The following GMDS variants were observed in gnomAD, a reference collection of about 807,000 sequenced individuals.
The protein encoded by GMDS is GDP-mannose 4,6 dehydratase.
A neutral mutation model predicts 49.9 loss-of-function variants in GMDS; 20 were observed. That is an observed-to-expected ratio of 0.40 (90% confidence interval 0.28 to 0.58). The LOEUF is 0.58. Ranked by LOEUF, GMDS falls within the 20% of genes least tolerant of loss-of-function variation. The probability of loss-of-function intolerance (pLI) is 0.42; values close to 1 mark genes in which losing one functional copy is unlikely to be tolerated. For missense variants in GMDS, 362 were observed against 481.4 expected (o/e 0.75, Z 2.32); for synonymous variants, 177 against 178.6 (o/e 0.99, Z 0.07).
chr6:1,873,962 C>T (rs1039082552), intron 7 of GMDS, among the ~76,000 whole-genome samples: 2 of 152,194 alleles, frequency 1.3e-5, no homozygotes, highest in Non-Finnish European at 1.5e-5. Flanking sequence ...TTTGTGTTCC[C>T]CAAAGGCCAC....
chr6:1,786,063 C>T (rs1470539808), intron 7 of GMDS, among the ~76,000 whole-genome samples: 2 of 152,244 alleles, frequency 1.3e-5, no homozygotes, highest in East Asian at 1.9e-4. Flanking sequence ...CAGCGTGCTG[C>T]TGCTTCAGCG....
intron 7 of GMDS, among the ~76,000 whole-genome samples, chr6:1,849,229 G>A (rs1757548048): frequency 6.6e-6 from 1 of 152,170 alleles, no homozygotes; most frequent in East Asian, 1.9e-4. Context: ...AGGCACACTG[G>A]AGGCCAATGC....
chr6:2,070,245 A>G (rs1424587433), intron 4 of GMDS, among the ~76,000 whole-genome samples: 2 of 138,160 alleles, frequency 1.4e-5, no homozygotes, highest in South Asian at 2.4e-4. Flanking sequence ...AAGAAGGGGA[A>G]CATCACACTC....
At chr6:1,651,015 G>A (rs1035543427) in intron 9 of GMDS, among the ~76,000 whole-genome samples, 8 of 152,248 alleles carry the variant, frequency 5.3e-5, no homozygotes, top group African/African-American at 1.9e-4. Flanking sequence ...CCCCTGAGAA[G>A]GCAGGGCCAG....
intron 1 of GMDS, among the ~76,000 whole-genome samples, chr6:2,161,051 G>C (rs1354282368): frequency 6.6e-6 from 1 of 151,696 alleles, no homozygotes; most frequent in African/African-American, 2.4e-5. Flanking sequence ...TCTCTCTGTT[G>C]CCCTAGCTGG....
intron 7 of GMDS, among the ~76,000 whole-genome samples, chr6:1,814,979 C>T (rs1770596096): frequency 1.3e-5 from 2 of 152,164 alleles, no homozygotes; most frequent in South Asian, 2.1e-4. Flanking sequence ...AAATAGGTCA[C>T]ATTTGTGGAC....
chr6:1,980,469 T>TA (rs1765160393), intron 4 of GMDS, among the ~76,000 whole-genome samples: 1 of 145,524 alleles, frequency 6.9e-6, no homozygotes, highest in Admixed American at 6.8e-5. Flanking sequence ...TACATAATGG[T>TA]AAAGGGCTCA....
intron 1 of GMDS, among the ~76,000 whole-genome samples, chr6:2,232,544 C>T (rs1209075108): frequency 2.0e-5 from 3 of 152,170 alleles, no homozygotes; most frequent in Non-Finnish European, 4.4e-5. Context: ...ATCTTACCGT[C>T]CACCATCATA....
intron 7 of GMDS, among the ~76,000 whole-genome samples, chr6:1,751,157 TAAACGTTCCTGCCTGCCGGCTCTGAA>T (rs1275274022): frequency 3.9e-5 from 6 of 152,248 alleles, no homozygotes; most frequent in Middle Eastern, 3.4e-3. Context: ...TCAGCAGACT[TAAACGTTCCTGCCTGCCGGCTCTGAA>T]GAGAGCAGCG....
intron 7 of GMDS, among the ~76,000 whole-genome samples, chr6:1,926,229 G>A (rs1761998814): frequency 6.6e-6 from 1 of 152,224 alleles, no homozygotes; most frequent in South Asian, 2.1e-4. Flanking sequence ...CTGTCCTGGA[G>A]ATAAGGAAAG....
At chr6:1,872,434 T>C (rs1389492874) in intron 7 of GMDS, among the ~76,000 whole-genome samples, 2 of 152,224 alleles carry the variant, frequency 1.3e-5, no homozygotes, top group Non-Finnish European at 2.9e-5. Context: ...AACACATTTG[T>C]TAGTAACTAG....
chr6:2,072,879 A>G (rs531632165), intron 4 of GMDS, among the ~76,000 whole-genome samples: 5 of 152,288 alleles, frequency 3.3e-5, no homozygotes, highest in Non-Finnish European at 5.9e-5. Context: ...GTAAAATCAC[A>G]AACACATTTG....
At chr6:1,993,433 C>A (rs1766076872) in intron 4 of GMDS, among the ~76,000 whole-genome samples, 1 of 152,186 alleles carries the variant, frequency 6.6e-6, no homozygotes, top group Admixed American at 6.5e-5. Context: ...TGTGATTATT[C>A]CACATGTGTA....
At chr6:2,110,033 T>C (rs1472577151) in intron 4 of GMDS, among the ~76,000 whole-genome samples, 4 of 152,200 alleles carry the variant, frequency 2.6e-5, no homozygotes, top group Non-Finnish European at 5.9e-5. Flanking sequence ...GAACAGTCCC[T>C]CTCTGCTGTT....
chr6:2,013,054 G>T lies in GMDS; in HGVS notation c.346-52088C>A, dbSNP rs139482293. Among the ~76,000 whole-genome samples the T allele has an allele frequency of 3.3e-5, 5 of 152,250 alleles. No individual in the cohort carries two copies. In the East Asian group the frequency reaches 7.7e-4, roughly 23 times the overall value. ...CTTTGAAAGAGAAAGAAAAAAAACTGCTAAGAAACAATTCTGGCCACAGGC... is the reference window on the plus strand; with the variant it reads ...CTTTGAAAGAGAAAGAAAAAAAACTTCTAAGAAACAATTCTGGCCACAGGC... On this transcript the variant is annotated intron_variant, in intron 4 of 10. Transcript: ENST00000380815.
chr6:1,771,132 A>G (rs1768562556), intron 7 of GMDS, among the ~76,000 whole-genome samples: 2 of 152,246 alleles, frequency 1.3e-5, no homozygotes, highest in African/African-American at 4.8e-5. Context: ...GTGTTAAAAT[A>G]TCAATATTCT....
At chr6:2,189,902 T>C in intron 1 of GMDS, among the ~76,000 whole-genome samples, 1 of 127,638 alleles carries the variant, frequency 7.8e-6, no homozygotes, top group East Asian at 2.6e-4. Context: ...GACTACTGGG[T>C]TGGTAACAAT....
chr6:1,898,192 G>A (rs144007579), intron 7 of GMDS, among the ~76,000 whole-genome samples: 1 of 152,102 alleles, frequency 6.6e-6, no homozygotes, highest in East Asian at 1.9e-4. Context: ...CTTCTGCTCA[G>A]GGTTCTCCAC....
At chr6:2,156,419 C>G (rs773361520) in intron 1 of GMDS, among the ~76,000 whole-genome samples, 9 of 152,052 alleles carry the variant, frequency 5.9e-5, no homozygotes, top group Admixed American at 3.9e-4. Flanking sequence ...CTGCCTTGCA[C>G]AGTATCAGCC....
Sources: gnomAD v4.1 joint callset for allele counts (sites outside exome capture counted in the v4.1 genomes callset) on GRCh38, gnomAD v4.1.1 for gene constraint, MANE v1.5 for transcripts, NCBI Gene and HGNC (gene_info 2026-07-23, HGNC 2026-07-21) for gene names.